DRC3: variants seen among roughly 807,000 people sequenced by gnomAD.
DRC3 encodes the protein dynein regulatory complex subunit 3.
DRC3 carries 45 observed loss-of-function variants against 57.6 expected under a neutral mutation model. That is an observed-to-expected ratio of 0.78 (90% confidence interval 0.62 to 1.00). DRC3 has a LOEUF of 1.00. DRC3 is among the 50% of genes least tolerant of loss of function. The pLI, the probability that DRC3 is intolerant of heterozygous loss-of-function variation, is 0.00. For synonymous variants in DRC3, 257 were observed against 272.3 expected, an observed-to-expected ratio of 0.94 and a Z score of 0.55; for missense variants, 655 against 675.2, an observed-to-expected ratio of 0.97 and a Z score of 0.33.
At position 17,995,023 on chromosome 17, in the gene DRC3, G is replaced by A. The variant is rs745329732; in HGVS notation, c.736G>A (p.Gly246Ser). ...GACTGCGTTTGTGGAACACCTGAATGGCTCCTTCCTGTTTGACAGCATGTA... is the reference window on the plus strand; with the variant it reads ...GACTGCGTTTGTGGAACACCTGAATAGCTCCTTCCTGTTTGACAGCATGTA... ...HKTAFVEHLN[G>S]SFLFDSMYAE... The change falls in exon 8 of 14, where the codon GGC becomes AGC. Residue 246 changes from glycine (G) to serine (S), a missense_variant. Physicochemically the swap from Gly to Ser is moderately conservative, Grantham distance 56. Transcript: ENST00000399187. 1.2e-6 allele frequency: 2 copies of A among 1,613,908 alleles called. No homozygotes were observed. The highest frequency in any genetic ancestry group is 2.2e-5 in the South Asian group (2 of 91,088).
intron 4 of DRC3, among the ~76,000 whole-genome samples, chr17:17,985,654 G>A (rs1009544412): frequency 1.3e-5 from 2 of 152,184 alleles, no homozygotes; most frequent in Admixed American, 6.5e-5. Context: ...GGGATGCCAC[G>A]CTGGTAGCTT....
In DRC3 at chr17:17,997,602, A is replaced by G. The variant is rs2043515620; in HGVS notation, c.967A>G (p.Lys323Glu). 1.1e-5 allele frequency: 17 copies of G among 1,609,714 alleles called. No individual in the cohort carries two copies. Among genetic ancestry groups the G allele is most frequent in the Non-Finnish European group, 1.2e-5 (14 of 1,178,208 alleles). The change falls in exon 9 of 14, where the codon AAG becomes GAG. Residue 323 changes from lysine (K) to glutamate (E), a missense_variant. Physicochemically the swap from Lys to Glu is moderately conservative, Grantham distance 56. Coordinates refer to ENST00000399187, the MANE Select transcript of DRC3 (RefSeq NM_031294.4). ...IQENQEQGKR[K>E]IAKFEEKHLS... is the part of the protein sequence containing the mutation. ...GGAAAACCAGGAGCAGGGCAAACGC[A>G]AGATTGCCAAATTCGAGGAGAAGCA...
intron 9 of DRC3, among the ~76,000 whole-genome samples, chr17:18,000,345 T>G (rs2043672772): frequency 6.7e-6 from 1 of 149,822 alleles, no homozygotes; most frequent in South Asian, 2.1e-4. Context: ...TTCTGTACTT[T>G]GCTTTCACGT....
At chr17:18,002,654 G>A (rs1267153895) in intron 9 of DRC3, among the ~76,000 whole-genome samples, 5 of 152,114 alleles carry the variant, frequency 3.3e-5, no homozygotes, top group Non-Finnish European at 5.9e-5. Context: ...AGGAGACTCC[G>A]GTAGCCGAGC....
At chr17:18,013,442 A>G (rs1268280983) in intron 12 of DRC3, among the ~76,000 whole-genome samples, 1 of 152,280 alleles carries the variant, frequency 6.6e-6, no homozygotes, top group African/African-American at 2.4e-5. Context: ...TGGTACCTAT[A>G]CACAATGGAA....
At position 18,006,205 on chromosome 17, in the gene DRC3, G is replaced by C; in HGVS notation, c.1154G>C (p.Arg385Thr). Reference sequence around the variant, plus strand: ...CAGGAGACTATAAACATGTTTGAAAGGAACATTGTTGACATGGTAGGACTG... The same window carrying C: ...CAGGAGACTATAAACATGTTTGAAACGAACATTGTTGACATGGTAGGACTG... ...QLEETINMFE[R>T]NIVDMVGLFI... is the part of the protein sequence containing the mutation. Residue 385 changes from arginine (R) to threonine (T), a missense_variant, in exon 11 of 14, where the codon AGG becomes ACG. Coordinates refer to ENST00000399187, the MANE Select transcript of DRC3 (RefSeq NM_031294.4). 2 of 1,612,234 alleles carry C rather than the reference G, an allele frequency of 1.2e-6. No homozygotes were observed. The highest frequency in any genetic ancestry group is 1.1e-5 in the South Asian group (1 of 90,806).
chr17:17,981,998 AT>A (rs907449155), intron 3 of DRC3, among the ~76,000 whole-genome samples: 323 of 139,246 alleles, frequency 2.3e-3, no homozygotes, highest in Middle Eastern at 4.2e-3. Context: ...ACAGGACCAA[AT>A]TTTTTTTTTT....
chr17:18,011,709 C>T (rs1464946740), intron 12 of DRC3: 2 of 207,980 alleles, frequency 9.6e-6, no homozygotes, highest in South Asian at 9.0e-5. Flanking sequence ...TGCCCCCTGA[C>T]CTCTGGGAGG....
rs1340673179 is a variant in DRC3 at position 17,992,879 on chromosome 17, T to A, written c.559T>A (p.Tyr187Asn). 1.2e-6 allele frequency: 2 copies of A among 1,613,902 alleles called. No individual in the cohort carries two copies. The highest frequency in any genetic ancestry group is 2.7e-5 in the African/African-American group (2 of 74,938). Reference protein sequence around the residue: ...FICAYLPDLMYLDYRRIDDHT... With the variant: ...FICAYLPDLMNLDYRRIDDHT... Reference sequence around the variant, plus strand: ...CTGTGCCTACCTTCCTGACCTCATGTACCTGGACTACCGGCGCATTGATGA... The same window carrying A: ...CTGTGCCTACCTTCCTGACCTCATGAACCTGGACTACCGGCGCATTGATGA... Residue 187 changes from tyrosine (Y) to asparagine (N), a missense_variant, in exon 6 of 14, where the codon TAC becomes AAC. Coordinates refer to ENST00000399187, the MANE Select transcript of DRC3 (RefSeq NM_031294.4).
chr17:18,010,946 T>TG (rs1555632215), intron 12 of DRC3: 24 of 243,106 alleles, frequency 9.9e-5, no homozygotes, highest in African/African-American at 2.1e-4. Context: ...GAGGTTTTTT[T>TG]TTTGTTTGTT....
intron 2 of DRC3, among the ~76,000 whole-genome samples, chr17:17,976,963 C>A (rs889552211): frequency 5.3e-5 from 8 of 152,216 alleles, no homozygotes; most frequent in Admixed American, 5.2e-4. Flanking sequence ...CCCTATTCCT[C>A]CCCAGCTCAA....
chr17:18,007,412 G>A, intron 12 of DRC3: 1 of 1,551,398 alleles, frequency 6.4e-7, no homozygotes, highest in Non-Finnish European at 8.7e-7. Flanking sequence ...GTTTCCAAAA[G>A]TTCAATTATG....
chr17:17,979,713 G>A (rs748827660), intron 3 of DRC3, among the ~76,000 whole-genome samples: 1 of 152,214 alleles, frequency 6.6e-6, no homozygotes, highest in Non-Finnish European at 1.5e-5. Flanking sequence ...GCTACTGCTG[G>A]GGGGCTGTCA....
intron 5 of DRC3, 196 bp downstream of exon 5, chr17:17,988,294 A>C: frequency 3.3e-6 from 2 of 603,450 alleles, no homozygotes; most frequent in East Asian, 2.9e-5. Context: ...AACAAAATTC[A>C]TCGGAGAGCA....
intron 3 of DRC3, 131 bp downstream of exon 3, chr17:17,977,889 G>A: frequency 1.2e-6 from 1 of 856,698 alleles, no homozygotes; most frequent in South Asian, 1.8e-5. Flanking sequence ...GGGCCTACCT[G>A]GGTTACAAGG....
At chr17:17,989,109 G>A (rs2145296799) in intron 5 of DRC3, among the ~76,000 whole-genome samples, 1 of 152,322 alleles carries the variant, frequency 6.6e-6, no homozygotes, top group Middle Eastern at 3.4e-3. Context: ...CGAGTGTTGG[G>A]ATGAGGGGAG....
At chr17:17,980,242 T>TG (rs1491476601) in intron 3 of DRC3, among the ~76,000 whole-genome samples, 25 of 151,600 alleles carry the variant, frequency 1.6e-4, no homozygotes, top group African/African-American at 6.1e-4. Context: ...CTGGACTGTA[T>TG]GTTTTTTTTT....
rs570629030 is a variant in DRC3 at position 17,984,351 on chromosome 17, A to G, written c.277+407A>G. Among the ~76,000 whole-genome samples, 16 of 122,572 alleles carry G rather than the reference A, an allele frequency of 1.3e-4. No individual in the cohort carries two copies. In the South Asian group the frequency reaches 4.6e-3, roughly 35 times the overall value. 80.4% of individuals were successfully genotyped at this position (122,572 alleles called of 152,430 possible). ...TCACAGAGGCTAGTGTGTATCAAGC[A>G]CTTAACTACATGCTAAGTGGGGCCT... On this transcript the variant is annotated intron_variant, in intron 4 of 13. Coordinates refer to ENST00000399187, the MANE Select transcript of DRC3 (RefSeq NM_031294.4).
At chr17:17,981,779 C>A (rs1259981572) in intron 3 of DRC3, among the ~76,000 whole-genome samples, 5 of 152,190 alleles carry the variant, frequency 3.3e-5, no homozygotes, top group Non-Finnish European at 5.9e-5. Context: ...CTCACTGCAT[C>A]TCTGCCTCCT....
Sources: gnomAD v4.1 joint callset for allele counts (sites outside exome capture counted in the v4.1 genomes callset) on GRCh38, gnomAD v4.1.1 for gene constraint, MANE v1.5 for transcripts, NCBI Gene and HGNC (gene_info 2026-07-23, HGNC 2026-07-21) for gene names.